The following DSTYK variants were observed in gnomAD, a reference collection of about 807,000 sequenced individuals.
The protein encoded by DSTYK is dual serine/threonine and tyrosine protein kinase, also known as RIP-homologous kinase.
A neutral mutation model predicts 98.7 loss-of-function variants in DSTYK; 34 were observed. That is an observed-to-expected ratio of 0.34 (90% CI 0.26 to 0.46). DSTYK has a LOEUF of 0.46. Ranked by LOEUF, DSTYK falls within the 20% of genes least tolerant of loss-of-function variation. The probability of loss-of-function intolerance (pLI) is 1.00; values close to 1 mark genes in which losing one functional copy is unlikely to be tolerated. For missense variants in DSTYK, 962 were observed against 1,181.7 expected, an observed-to-expected ratio of 0.81 and a Z score of 2.73; for synonymous variants, 462 against 457.3, an observed-to-expected ratio of 1.01 and a Z score of -0.13.
rs565699749 is a variant in DSTYK at position 205,194,423 on chromosome 1, C to A, written c.266-6617G>T. Among the ~76,000 whole-genome samples, 5 of 152,278 alleles carry A rather than the reference C, an allele frequency of 3.3e-5. No individual in the cohort carries two copies. In the South Asian group the frequency reaches 1.0e-3, roughly 32 times the overall value. On this transcript the variant is annotated intron_variant, in intron 1 of 12. Transcript: ENST00000367162. ...GAAAATGCTTTTGCTTTATTATACT[C>A]CTGCAGCTCATAAAGTTAACATGGA...
Position 205,147,757 on chromosome 1 carries a change from A to G in DSTYK, c.2603-12T>C. On this transcript the variant is annotated splice_polypyrimidine_tract_variant and intron_variant, in intron 12 of 12. Coordinates refer to ENST00000367162, the MANE Select transcript of DSTYK (RefSeq NM_015375.3). The stretch of plus-strand genomic sequence containing the variant: ...TTCTGGGCGAGCCCCTAGAGAAAGG[A>G]GCATGGAAACAAGATCACAGTGAGA... 6.2e-7 allele frequency: 1 copy of G among 1,609,974 alleles called. No homozygotes were observed. Among genetic ancestry groups the G allele is most frequent in the East Asian group, 2.2e-5 (1 of 44,684 alleles).
intron 2 of DSTYK, among the ~76,000 whole-genome samples, chr1:205,184,970 G>A (rs1261716457): frequency 3.3e-5 from 5 of 152,212 alleles, no homozygotes; most frequent in African/African-American, 1.2e-4. Context: ...AGGTTGAGAG[G>A]TGGGAGGATC....
chr1:205,182,472 C>T (rs1658435699), intron 2 of DSTYK, among the ~76,000 whole-genome samples: 1 of 143,344 alleles, frequency 7.0e-6, no homozygotes, highest in Non-Finnish European at 1.5e-5. Flanking sequence ...AACTTTACTA[C>T]TCCCATTGGT....
intron 1 of DSTYK, among the ~76,000 whole-genome samples, chr1:205,200,115 C>T (rs573965863): frequency 3.4e-4 from 52 of 152,202 alleles, no homozygotes; most frequent in African/African-American, 1.2e-3. Flanking sequence ...CGGCTGGTTG[C>T]AAACTTCGCC....
At chr1:205,210,121 C>G (rs1469017232) in intron 1 of DSTYK, among the ~76,000 whole-genome samples, 2 of 151,922 alleles carry the variant, frequency 1.3e-5, no homozygotes. Context: ...AGGCTGGTCC[C>G]GAATTCCTGA....
chr1:205,165,586 T>A (rs1418136660), intron 3 of DSTYK, among the ~76,000 whole-genome samples: 1 of 152,288 alleles, frequency 6.6e-6, no homozygotes, highest in East Asian at 1.9e-4. Flanking sequence ...GGTGGAAACT[T>A]AAATGGGTGC....
chr1:205,156,790 A>G (rs1294311473), intron 10 of DSTYK, among the ~76,000 whole-genome samples: 3 of 152,176 alleles, frequency 2.0e-5, no homozygotes, highest in African/African-American at 7.2e-5. Context: ...GGCCAGGGGC[A>G]GAATGATATG....
chr1:205,211,521 C>A lies in DSTYK; in HGVS notation c.15G>T (p.Gly5=). 1 of 1,550,982 alleles carries A rather than the reference C, an allele frequency of 6.4e-7. No individual in the cohort carries two copies. The highest frequency in any genetic ancestry group is 8.7e-7 in the Non-Finnish European group (1 of 1,155,210). MEGD[G]VPWGSEPVSG... The stretch of plus-strand genomic sequence containing the variant: ...AGACGGGCTCGCTGCCCCATGGCAC[C>A]CCGTCGCCCTCCATCGCCTCTGCCC... The change falls in exon 1 of 13, where the codon GGG becomes GGT. Residue 5 remains glycine (G), a synonymous_variant. Transcript: ENST00000367162.
At chr1:205,191,842 AAGTTAATCG>A (rs1453652073) in intron 1 of DSTYK, among the ~76,000 whole-genome samples, 2 of 152,182 alleles carry the variant, frequency 1.3e-5, no homozygotes, top group East Asian at 1.9e-4. Flanking sequence ...AAAGGACTTC[AAGTTAATCG>A]AGTTTTCTTT....
chr1:205,209,897 T>C (rs1389398094), intron 1 of DSTYK, among the ~76,000 whole-genome samples: 1 of 148,200 alleles, frequency 6.7e-6, no homozygotes, highest in African/African-American at 2.5e-5. Context: ...TTATTACTAT[T>C]ATTATTATTA....
chr1:205,210,329 A>G (rs11240390), intron 1 of DSTYK, among the ~76,000 whole-genome samples: 73,356 of 151,944 alleles, frequency 0.48, 21,030 homozygotes, highest in Non-Finnish European at 0.63. Context: ...AGTTTAATAC[A>G]CACTTTAGTT....
chr1:205,152,496 G>A (rs532280929), intron 10 of DSTYK, among the ~76,000 whole-genome samples: 8 of 152,244 alleles, frequency 5.3e-5, no homozygotes, highest in South Asian at 2.1e-4. Flanking sequence ...TAATCTTATC[G>A]GACTACATCG....
Position 205,159,671 on chromosome 1 carries a change from G to C in DSTYK, c.2114C>G (p.Pro705Arg). The C allele has an allele frequency of 6.2e-7, 1 of 1,613,342 alleles. No homozygotes were observed. Among genetic ancestry groups the C allele is most frequent in the African/African-American group, 1.3e-5 (1 of 74,996 alleles). Residue 705 changes from proline to arginine, a missense_variant, in exon 9 of 13, where the codon CCG (proline) becomes CGG (arginine). Around this residue, in one of 4 missense-constraint regions of DSTYK, gnomAD observed 660 missense variants for 855.0 expected, o/e 0.77. Coordinates refer to ENST00000367162, the MANE Select transcript of DSTYK (RefSeq NM_015375.3). ...GAGATCCACCAATCGCTCATGCTTC[G>C]GCAGAGACCTGGAGGGAAGGAGAGA... Reference protein sequence around the residue: ...ALEFHYMRSLPKHERLVDLHG... With the variant: ...ALEFHYMRSLRKHERLVDLHG...
chr1:205,207,469 T>C (rs1308368819), intron 1 of DSTYK, among the ~76,000 whole-genome samples: 1 of 150,474 alleles, frequency 6.6e-6, no homozygotes, highest in Non-Finnish European at 1.5e-5. Flanking sequence ...TACTTTCCCA[T>C]GCCGGGCACA....
At chr1:205,164,264 G>A (rs986693777) in intron 3 of DSTYK, among the ~76,000 whole-genome samples, 1 of 152,068 alleles carries the variant, frequency 6.6e-6, no homozygotes, top group African/African-American at 2.4e-5. Flanking sequence ...ATGAGCTTGG[G>A]TAACAGTGAG....
At position 205,144,966 on chromosome 1, in the gene DSTYK, C is replaced by A. The variant is rs1028562661; in HGVS notation, c.*2592G>T. The A allele has an allele frequency of 1.3e-5, 2 of 152,190 alleles. No homozygotes were observed. The highest frequency in any genetic ancestry group is 3.9e-4 in the East Asian group (2 of 5,184). 9.4% of individuals were successfully genotyped at this position (152,190 alleles called of 1,614,324 possible). Reference sequence around the variant, plus strand: ...AGGAATGTGACCTTCATAATGGAAGCACAGACTTATGATTATAGTTAGAGT... The same window carrying A: ...AGGAATGTGACCTTCATAATGGAAGAACAGACTTATGATTATAGTTAGAGT... On this transcript the variant is annotated 3_prime_UTR_variant, in exon 13 of 13. Transcript: ENST00000367162.
chr1:205,202,115 A>ACGGGG, intron 1 of DSTYK: 1 of 354,430 alleles, frequency 2.8e-6, no homozygotes, highest in Non-Finnish European at 6.0e-6. Context: ...GGGAAGGGAG[A>ACGGGG]AGGGGAAGGG....
At chr1:205,187,329 A>T in intron 2 of DSTYK, 89 bp downstream of exon 2, 1 of 1,411,794 alleles carries the variant, frequency 7.1e-7, no homozygotes, top group Non-Finnish European at 9.5e-7. Flanking sequence ...TTCAGACTAT[A>T]TATCATCGAA....
chr1:205,194,206 T>C (rs1453321698), intron 1 of DSTYK, among the ~76,000 whole-genome samples: 2 of 152,246 alleles, frequency 1.3e-5, no homozygotes, highest in African/African-American at 2.4e-5. Flanking sequence ...CATAAATTTG[T>C]TATGCTTTTC....
Sources: gnomAD v4.1 joint callset for allele counts (sites outside exome capture counted in the v4.1 genomes callset) on GRCh38, gnomAD v4.1.1 for gene constraint, gnomAD v4.1.1 regional missense constraint, MANE v1.5 for transcripts, NCBI Gene and HGNC (gene_info 2026-07-23, HGNC 2026-07-21) for gene names.